PPP2R2A: variants seen among roughly 807,000 people sequenced by gnomAD.
PPP2R2A encodes the protein serine/threonine-protein phosphatase 2A 55 kDa regulatory subunit B alpha isoform.
A neutral mutation model predicts 53.2 loss-of-function variants in PPP2R2A; 9 were observed. The ratio of observed to expected loss-of-function variants is 0.17; its 90% confidence interval spans 0.10 to 0.30. The LOEUF (loss-of-function observed/expected upper bound fraction) is 0.30. Ranked by LOEUF, PPP2R2A falls within the 10% of genes least tolerant of loss-of-function variation. The pLI is 1.00. For synonymous variants in PPP2R2A, 169 were observed against 174.2 expected, an observed-to-expected ratio of 0.97 and a Z score of 0.23; for missense variants, 235 against 534.6, an observed-to-expected ratio of 0.44 and a Z score of 5.53.
intron 2 of PPP2R2A, among the ~76,000 whole-genome samples, chr8:26,297,961 A>G (rs536448957): frequency 6.6e-6 from 1 of 152,350 alleles, no homozygotes; most frequent in East Asian, 1.9e-4. Context: ...ATTAAGCTAT[A>G]GGTTTAGAGG....
At chr8:26,358,938 G>GA (rs1196468901) in intron 4 of PPP2R2A, 4 of 456,000 alleles carry the variant, frequency 8.8e-6, no homozygotes, top group Non-Finnish European at 1.3e-5. Context: ...CACTTCCAAA[G>GA]AACAGAATAT....
chr8:26,353,497 T>C (rs1180856691), intron 3 of PPP2R2A, among the ~76,000 whole-genome samples: 1 of 152,262 alleles, frequency 6.6e-6, no homozygotes, highest in South Asian at 2.1e-4. Flanking sequence ...AACTCACTTT[T>C]ACTTAAAATA....
chr8:26,331,351 T>C (rs1803367710), intron 2 of PPP2R2A, among the ~76,000 whole-genome samples: 1 of 152,218 alleles, frequency 6.6e-6, no homozygotes, highest in Admixed American at 6.5e-5. Context: ...ATTCAGGTTA[T>C]CTTAACTCCT....
intron 8 of PPP2R2A, chr8:26,365,305 G>C (rs576635017): frequency 2.6e-5 from 4 of 152,184 alleles, no homozygotes; most frequent in African/African-American, 7.2e-5. Context: ...TTTTCTTACT[G>C]ATTTTTTTGT....
chr8:26,292,934 T>TA (rs1461974865), intron 1 of PPP2R2A, among the ~76,000 whole-genome samples: 5 of 152,246 alleles, frequency 3.3e-5, no homozygotes, highest in Admixed American at 2.6e-4. Context: ...CGGATTGACT[T>TA]ACGGTTTGCT....
At chr8:26,337,410 C>T (rs73217708) in intron 2 of PPP2R2A, among the ~76,000 whole-genome samples, 5,982 of 152,202 alleles carry the variant, frequency 0.039, 178 homozygotes, top group South Asian at 0.12. Flanking sequence ...AGAGCCTAAC[C>T]CTCAGATTTG....
At chr8:26,334,467 C>G (rs962193283) in intron 2 of PPP2R2A, among the ~76,000 whole-genome samples, 1 of 152,210 alleles carries the variant, frequency 6.6e-6, no homozygotes, top group South Asian at 2.1e-4. Context: ...AGTATCCGGC[C>G]AGGTACGGTG....
chr8:26,341,363 T>TTTG (rs1803937318), intron 3 of PPP2R2A, among the ~76,000 whole-genome samples: 1 of 152,176 alleles, frequency 6.6e-6, no homozygotes, highest in Admixed American at 6.5e-5. Flanking sequence ...GGCACCTTTG[T>TTTG]TTCAATACCT....
chr8:26,365,564 TC>T (rs1242217821), intron 8 of PPP2R2A: 1 of 152,200 alleles, frequency 6.6e-6, no homozygotes, highest in Non-Finnish European at 1.5e-5. Flanking sequence ...TATAGACACT[TC>T]CTTTTTTCCT....
rs917041775 is a variant in PPP2R2A at position 26,342,768 on chromosome 8, A to G, written c.180+3781A>G. Among the ~76,000 whole-genome samples the G allele has an allele frequency of 1.7e-4, 26 of 152,340 alleles. No homozygotes were observed. In the East Asian group the frequency reaches 2.5e-3, roughly 15 times the overall value. ...TTTTATTCTTAATGTGGTATTCCCA[A>G]AATTCCTTAACAGGATACAGAAGAA... On this transcript the variant is annotated intron_variant, in intron 3 of 9. Transcript: ENST00000380737.
At chr8:26,339,442 A>G (rs1351332622) in intron 3 of PPP2R2A, among the ~76,000 whole-genome samples, 1 of 152,190 alleles carries the variant, frequency 6.6e-6, no homozygotes, top group Non-Finnish European at 1.5e-5. Context: ...ATACTGTTAC[A>G]ATGATTTAAA....
chr8:26,321,008 A>G lies in PPP2R2A; in HGVS notation c.83-17882A>G, dbSNP rs2117266258. Reference sequence around the variant, plus strand: ...CCATGTGTTAAAACAGACAGATGACACACTGAAATGACCAACGAGCATAAT... The same window carrying G: ...CCATGTGTTAAAACAGACAGATGACGCACTGAAATGACCAACGAGCATAAT... On this transcript the variant is annotated intron_variant, in intron 2 of 9. Coordinates refer to ENST00000380737, the MANE Select transcript of PPP2R2A (RefSeq NM_002717.4). The surrounding 1 kb of genome is among the most constrained non-coding windows in gnomAD (Gnocchi z 4.1). Among the ~76,000 whole-genome samples the G allele has an allele frequency of 6.6e-6, 1 of 152,322 alleles. No individual in the cohort carries two copies. The highest frequency in any genetic ancestry group is 1.9e-4 in the East Asian group (1 of 5,182).
chr8:26,319,160 A>T (rs912648054), intron 2 of PPP2R2A, among the ~76,000 whole-genome samples: 167 of 152,218 alleles, frequency 1.1e-3, no homozygotes, highest in African/African-American at 3.9e-3. Flanking sequence ...TTCTTTCTTA[A>T]GGCTGCATAA....
intron 2 of PPP2R2A, among the ~76,000 whole-genome samples, chr8:26,323,294 A>G (rs1802933558): frequency 7.9e-5 from 12 of 152,264 alleles, no homozygotes; most frequent in Admixed American, 7.8e-4. Flanking sequence ...AACACTTCTG[A>G]TAACATATAT....
chr8:26,370,366 G>A lies in PPP2R2A; in HGVS notation c.1297G>A (p.Val433Ile), dbSNP rs902850129. 29 of 1,614,046 alleles carry A rather than the reference G, an allele frequency of 1.8e-5. No individual in the cohort carries two copies. The highest frequency in any genetic ancestry group is 4.4e-5 in the South Asian group (4 of 91,082). The change falls in exon 10 of 10, where the codon GTA (valine) becomes ATA (isoleucine). Residue 433 changes from valine to isoleucine, a missense_variant. Transcript: ENST00000380737. This position sits in a 1 kb window ranked among gnomAD's most constrained non-coding sequence, Gnocchi z 6.1. ...AWHPKENIIA[V>I]ATTNNLYIFQ... ...GCACCCCAAGGAAAATATCATTGCC[G>A]TAGCTACTACAAACAATCTGTATAT... is the stretch of plus-strand genomic sequence containing the variant.
chr8:26,362,593 T>C lies in PPP2R2A; in HGVS notation c.638-91T>C, dbSNP rs1805166054. 8.4e-7 allele frequency: 1 copy of C among 1,190,632 alleles called. No individual in the cohort carries two copies. The highest frequency in any genetic ancestry group is 1.2e-6 in the Non-Finnish European group (1 of 845,906). 73.8% of individuals were successfully genotyped at this position (1,190,632 alleles called of 1,614,324 possible). On this transcript the variant is annotated intron_variant, in intron 6 of 9. Transcript: ENST00000380737. This position sits in a 1 kb window ranked among gnomAD's most constrained non-coding sequence, Gnocchi z 4.4. ...GCAATTCAGAATTAATATTTTTGCTTAGGTCCATGAATGGGTTTTAGGTTT... is the reference window on the plus strand; with the variant it reads ...GCAATTCAGAATTAATATTTTTGCTCAGGTCCATGAATGGGTTTTAGGTTT...
chr8:26,314,668 G>A (rs1802451891), intron 2 of PPP2R2A, among the ~76,000 whole-genome samples: 1 of 152,098 alleles, frequency 6.6e-6, no homozygotes, highest in Non-Finnish European at 1.5e-5. Context: ...AGCTTCCGGT[G>A]TTACATTTGA....
At chr8:26,307,159 T>C (rs1183863226) in intron 2 of PPP2R2A, among the ~76,000 whole-genome samples, 3 of 152,212 alleles carry the variant, frequency 2.0e-5, no homozygotes, top group Non-Finnish European at 4.4e-5. Context: ...GATTTCTATA[T>C]GGAGAGTTGC....
intron 2 of PPP2R2A, among the ~76,000 whole-genome samples, chr8:26,337,426 A>G (rs1407523451): frequency 3.9e-5 from 6 of 152,168 alleles, no homozygotes; most frequent in Admixed American, 2.0e-4. Flanking sequence ...ATTTGATTCA[A>G]TATTTTTTGT....
Sources: allele counts gnomAD v4.1 joint callset (sites outside exome capture counted in the v4.1 genomes callset), GRCh38; gene constraint gnomAD v4.1.1; non-coding constraint Gnocchi (gnomAD v3.1); transcripts MANE v1.5; gene names NCBI Gene and HGNC (gene_info 2026-07-23, HGNC 2026-07-21).